The following CPA6 variants were observed in gnomAD, a reference collection of about 807,000 sequenced individuals.
The protein encoded by CPA6 is carboxypeptidase B.
A neutral mutation model predicts 63.3 loss-of-function variants in CPA6; 58 were observed. That is an observed-to-expected ratio of 0.92 (90% confidence interval 0.74 to 1.14). The LOEUF (loss-of-function observed/expected upper bound fraction) is 1.14. Among genes scored for constraint, CPA6 ranks in the 50% most tolerant of loss-of-function variants. The probability of loss-of-function intolerance (pLI) is 0.00; values close to 1 mark genes in which losing one functional copy is unlikely to be tolerated. For synonymous variants in CPA6, 185 were observed against 179.0 expected (o/e 1.03, Z -0.27); for missense variants, 565 against 526.6 (o/e 1.07, Z -0.71).
intron 1 of CPA6, among the ~76,000 whole-genome samples, chr8:67,723,763 CAT>C (rs1290681035): frequency 6.6e-6 from 1 of 151,888 alleles, no homozygotes; most frequent in Non-Finnish European, 1.5e-5. Context: ...AAAATAATTC[CAT>C]ATAAAGATCT....
chr8:67,440,983 A>G (rs1394178238), intron 8 of CPA6, among the ~76,000 whole-genome samples: 1 of 152,178 alleles, frequency 6.6e-6, no homozygotes, highest in Non-Finnish European at 1.5e-5. Context: ...TTACTTCCAC[A>G]AATAACCTTT....
At chr8:67,589,876 TTTATTATTA>T (rs754237347) in intron 2 of CPA6, among the ~76,000 whole-genome samples, 2 of 150,752 alleles carry the variant, frequency 1.3e-5, no homozygotes, top group East Asian at 1.9e-4. Flanking sequence ...TAGTGTTGTT[TTTATTATTA>T]TTATTATTAT....
rs139969088 is a variant in CPA6 at position 67,523,952 on chromosome 8, T to C, written c.193-5905A>G. Reference sequence around the variant, plus strand: ...AGTTTTTGTTGGTTTGGAAAAGGGTTAGGCAGGGCACTTATGTGCCATGTC... The same window carrying C: ...AGTTTTTGTTGGTTTGGAAAAGGGTCAGGCAGGGCACTTATGTGCCATGTC... On this transcript the variant is annotated intron_variant, in intron 2 of 10. Transcript: ENST00000297770. Among the ~76,000 whole-genome samples the C allele has an allele frequency of 1.0e-4, 16 of 152,382 alleles. 1 individual carries two copies. In the East Asian group the frequency reaches 3.1e-3, roughly 29 times the overall value.
intron 8 of CPA6, among the ~76,000 whole-genome samples, chr8:67,470,047 T>C (rs989177769): frequency 2.0e-5 from 3 of 151,744 alleles, no homozygotes; most frequent in Admixed American, 6.6e-5. Context: ...TTTTCTTTTT[T>C]TTTTCTGAGG....
At chr8:67,714,638 G>A (rs1817340599) in intron 1 of CPA6, among the ~76,000 whole-genome samples, 1 of 152,174 alleles carries the variant, frequency 6.6e-6, no homozygotes. Context: ...TAGCACCACT[G>A]CACTCCAGCC....
At chr8:67,530,770 C>A (rs1178813275) in intron 2 of CPA6, among the ~76,000 whole-genome samples, 3 of 152,144 alleles carry the variant, frequency 2.0e-5, no homozygotes, top group Non-Finnish European at 2.9e-5. Context: ...AAACTAGAAC[C>A]TTCAAAGGGC....
chr8:67,531,554 A>G (rs1812478210), intron 2 of CPA6, among the ~76,000 whole-genome samples: 1 of 152,180 alleles, frequency 6.6e-6, no homozygotes, highest in Admixed American at 6.5e-5. Context: ...ATATAAATGT[A>G]TACGTATATA....
intron 10 of CPA6, among the ~76,000 whole-genome samples, chr8:67,425,356 T>C (rs1163383018): frequency 6.6e-6 from 1 of 152,050 alleles, no homozygotes; most frequent in African/African-American, 2.4e-5. Flanking sequence ...TAGGACAAGT[T>C]AGGATGGAAT....
intron 2 of CPA6, among the ~76,000 whole-genome samples, chr8:67,578,441 G>T (rs899811816): frequency 3.9e-5 from 6 of 152,218 alleles, no homozygotes; most frequent in South Asian, 2.1e-4. Flanking sequence ...GCTTGTCTTG[G>T]CTATTGGTTT....
At chr8:67,681,963 G>A (rs1408268050) in intron 1 of CPA6, among the ~76,000 whole-genome samples, 1 of 151,678 alleles carries the variant, frequency 6.6e-6, no homozygotes, top group Non-Finnish European at 1.5e-5. Flanking sequence ...TATTTTAACT[G>A]GAATTGCACT....
At chr8:67,678,167 G>T (rs1339387158) in intron 1 of CPA6, among the ~76,000 whole-genome samples, 1 of 151,376 alleles carries the variant, frequency 6.6e-6, no homozygotes, top group African/African-American at 2.4e-5. Context: ...GGCAGAGGTT[G>T]CAGTAAGCAG....
chr8:67,611,423 G>T (rs778072788), intron 2 of CPA6, among the ~76,000 whole-genome samples: 11 of 152,090 alleles, frequency 7.2e-5, no homozygotes, highest in Non-Finnish European at 1.3e-4. Context: ...CACTTTAGAT[G>T]GTAGGGTTAG....
chr8:67,424,105 T>C (rs1809831700), intron 10 of CPA6, among the ~76,000 whole-genome samples: 1 of 152,212 alleles, frequency 6.6e-6, no homozygotes, highest in Non-Finnish European at 1.5e-5. Flanking sequence ...AAGAATCTTA[T>C]GCCTGATGAT....
intron 1 of CPA6, among the ~76,000 whole-genome samples, chr8:67,706,501 G>A (rs1365872538): frequency 2.6e-5 from 4 of 151,964 alleles, no homozygotes; most frequent in Non-Finnish European, 5.9e-5. Context: ...ATGGGAATGT[G>A]GATTTTTTTT....
chr8:67,515,547 C>A (rs562074344), intron 3 of CPA6, among the ~76,000 whole-genome samples: 1 of 152,218 alleles, frequency 6.6e-6, no homozygotes, highest in African/African-American at 2.4e-5. Flanking sequence ...TTCTCTTATA[C>A]GCCGTGAATC....
chr8:67,475,918 C>A (rs1230659236), intron 8 of CPA6, among the ~76,000 whole-genome samples: 2 of 89,952 alleles, frequency 2.2e-5, no homozygotes, highest in South Asian at 3.4e-4. Flanking sequence ...TTCTTTCTTT[C>A]TTTCTTTCTT....
At chr8:67,622,611 A>G (rs1379970820) in intron 2 of CPA6, among the ~76,000 whole-genome samples, 1 of 152,204 alleles carries the variant, frequency 6.6e-6, no homozygotes, top group East Asian at 1.9e-4. Flanking sequence ...TCAAGACATC[A>G]TTTGCAAATA....
intron 1 of CPA6, among the ~76,000 whole-genome samples, chr8:67,684,039 T>TTTTA (rs1304657449): frequency 2.1e-5 from 3 of 141,512 alleles, no homozygotes; most frequent in Non-Finnish European, 3.1e-5. Flanking sequence ...ATAATTTTTA[T>TTTTA]TTTATTTATT....
chr8:67,487,645 G>T (rs192010439), intron 6 of CPA6, among the ~76,000 whole-genome samples: 1 of 152,190 alleles, frequency 6.6e-6, no homozygotes, highest in African/African-American at 2.4e-5. Context: ...TTCCACAATC[G>T]TTGAACTAGT....
Sources: allele counts gnomAD v4.1 joint callset (sites outside exome capture counted in the v4.1 genomes callset), GRCh38; gene constraint gnomAD v4.1.1; transcripts MANE v1.5; gene names NCBI Gene and HGNC (gene_info 2026-07-23, HGNC 2026-07-21).